PPM1E: variants seen among roughly 807,000 people sequenced by gnomAD.
PPM1E encodes protein phosphatase 1E.
PPM1E carries 20 observed loss-of-function variants against 65.9 expected under a neutral mutation model. The observed-to-expected ratio is 0.30, with a 90% confidence interval of 0.21 to 0.44. The LOEUF (loss-of-function observed/expected upper bound fraction) is 0.44, where lower values mean the gene tolerates loss of function less well. Among genes scored for constraint, PPM1E ranks in the 20% least tolerant of loss-of-function variants. The probability of loss-of-function intolerance (pLI) is 1.00; values close to 1 mark genes in which losing one functional copy is unlikely to be tolerated. For missense variants in PPM1E, 713 were observed against 953.1 expected (o/e 0.75, Z 3.32); for synonymous variants, 352 against 374.9 (o/e 0.94, Z 0.70).
chr17:58,788,739 C>A (rs1338334537), intron 1 of PPM1E, among the ~76,000 whole-genome samples: 2 of 152,202 alleles, frequency 1.3e-5, no homozygotes, highest in Non-Finnish European at 2.9e-5. Context: ...AAGACTAAGA[C>A]TTTAAGTCTG....
chr17:58,838,323 C>G (rs752970868), intron 1 of PPM1E, among the ~76,000 whole-genome samples: 2 of 152,122 alleles, frequency 1.3e-5, no homozygotes, highest in Admixed American at 6.5e-5. Flanking sequence ...AAAACACTTA[C>G]AATTCAACAA....
At chr17:58,923,898 A>G (rs2051788291) in intron 1 of PPM1E, among the ~76,000 whole-genome samples, 1 of 146,992 alleles carries the variant, frequency 6.8e-6, no homozygotes, top group Non-Finnish European at 1.5e-5. Context: ...TGGGCAACAG[A>G]GAAAGACCCC....
rs2031307608 is a variant in PPM1E, at chr17:58,980,741, C to G, written c.1978C>G (p.Pro660Ala). 1.2e-6 allele frequency: 2 copies of G among 1,614,102 alleles called. No homozygotes were observed. The highest frequency in any genetic ancestry group is 3.3e-5 in the Admixed American group (2 of 60,020). The change falls in exon 7 of 7, where the codon CCG becomes GCG. Residue 660 changes from proline to alanine, a missense_variant. Physicochemically the swap from Pro to Ala is conservative, Grantham distance 27 (BLOSUM62 -1). This residue lies in a region of PPM1E where 286 missense variants were observed against 313.8 expected (regional missense o/e 0.91). Transcript: ENST00000308249. This position sits in a 1 kb window ranked among gnomAD's most constrained non-coding sequence, Gnocchi z 4.7. ...GTTGGAAAATGAACAGTTCAAATCC[C>G]CGGGAAACAGAGTTTCTAGATTGTC... is the stretch of plus-strand genomic sequence containing the variant. ...SGLENEQFKS[P>A]GNRVSRLSHL... is the part of the protein sequence containing the mutation.
At position 58,980,864 on chromosome 17, in the gene PPM1E, G is replaced by A. The variant is rs2031316036; in HGVS notation, c.2101G>A (p.Gly701Ser). 6.2e-7 allele frequency: 1 copy of A among 1,613,978 alleles called. No homozygotes were observed. Among genetic ancestry groups the A allele is most frequent in the Admixed American group, 1.7e-5 (1 of 59,986 alleles). ...TGCTCAAGAGCCTTCCCACAAAATA[G>A]GCACTAGCCTGTCCTCACTTACTGG... is the stretch of plus-strand genomic sequence containing the variant. ...LSAQEPSHKIGTSLSSLTGSG... is the reference protein window; with the variant it reads ...LSAQEPSHKISTSLSSLTGSG... The change falls in exon 7 of 7, where the codon GGC becomes AGC. Residue 701 changes from glycine (G) to serine (S), a missense_variant. Transcript: ENST00000308249. The surrounding 1 kb of genome is among the most constrained non-coding windows in gnomAD (Gnocchi z 4.7).
At position 58,864,714 on chromosome 17, in the gene PPM1E, G is replaced by A. The variant is rs372099751; in HGVS notation, c.465-90935G>A. Reference sequence around the variant, plus strand: ...GCACTTTGAGAGGCAGAGGTGGGTGGATCAGGAGGTCAGGTGTTCAAGACC... The same window carrying A: ...GCACTTTGAGAGGCAGAGGTGGGTGAATCAGGAGGTCAGGTGTTCAAGACC... On this transcript the variant is annotated intron_variant, in intron 1 of 6. Coordinates refer to ENST00000308249, the MANE Select transcript of PPM1E (RefSeq NM_014906.5). Among the ~76,000 whole-genome samples the A allele has an allele frequency of 2.0e-5, 3 of 151,506 alleles. No individual in the cohort carries two copies. The East Asian group carries it at 5.9e-4, about 30-fold the overall frequency.
At chr17:58,890,319 A>G (rs1209733626) in intron 1 of PPM1E, among the ~76,000 whole-genome samples, 2 of 152,230 alleles carry the variant, frequency 1.3e-5, no homozygotes, top group Non-Finnish European at 2.9e-5. Context: ...TAGATAGCAT[A>G]TCAGCATTAT....
intron 1 of PPM1E, among the ~76,000 whole-genome samples, chr17:58,783,033 TG>T (rs1400428251): frequency 2.0e-5 from 3 of 152,220 alleles, no homozygotes; most frequent in Non-Finnish European, 2.9e-5. Flanking sequence ...CTACTCAATA[TG>T]ACTTTGTTTT....
At chr17:58,869,456 A>G (rs757756025) in intron 1 of PPM1E, among the ~76,000 whole-genome samples, 1 of 152,192 alleles carries the variant, frequency 6.6e-6, no homozygotes, top group East Asian at 1.9e-4. Context: ...ATTGGTTCCC[A>G]TGAGAGCTGA....
At chr17:58,917,008 G>C (rs1316047122) in intron 1 of PPM1E, among the ~76,000 whole-genome samples, 1 of 151,996 alleles carries the variant, frequency 6.6e-6, no homozygotes, top group Non-Finnish European at 1.5e-5. Context: ...CCAGGAGTGT[G>C]AGACCAGCCG....
chr17:58,775,920 CAAAAAAAAAAAAAAAAAAA>C (rs1158158641), intron 1 of PPM1E, among the ~76,000 whole-genome samples: 1 of 52,496 alleles, frequency 1.9e-5, no homozygotes, highest in Non-Finnish European at 2.9e-5. Flanking sequence ...GACTCCGTCT[CAAAAAAAAAAAAAAAAAAA>C]AAAAAAAAAA....
At chr17:58,958,690 C>T (rs751418591) in intron 2 of PPM1E, among the ~76,000 whole-genome samples, 9 of 151,432 alleles carry the variant, frequency 5.9e-5, no homozygotes, top group Non-Finnish European at 1.3e-4. Flanking sequence ...GGACAGTCCT[C>T]ACAAAAGGCC....
chr17:58,831,719 A>G (rs867573519), intron 1 of PPM1E, among the ~76,000 whole-genome samples: 5 of 152,154 alleles, frequency 3.3e-5, no homozygotes, highest in African/African-American at 1.2e-4. Flanking sequence ...CCCCTATTGG[A>G]CAGTTTGGAC....
Position 58,984,956 on chromosome 17 carries a change from C to T in PPM1E, c.*3925C>T, listed in dbSNP as rs897081184. ...GAGAGACAGGCTTTGTTCTCTTGTT[C>T]ATAACATTTCTCTGCAAAGAATTCT... On this transcript the variant is annotated 3_prime_UTR_variant, in exon 7 of 7. Transcript: ENST00000308249. 1.3e-5 allele frequency: 2 copies of T among 152,624 alleles called. No individual in the cohort carries two copies. Among genetic ancestry groups the T allele is most frequent in the Non-Finnish European group, 2.9e-5 (2 of 68,042 alleles). The allele number at this position is 152,624 out of a possible 1,614,324, so 9.5% of individuals were successfully genotyped here. A position where few individuals can be genotyped will look rare whatever the true frequency, so the allele number is the denominator to read the frequency against.
intron 1 of PPM1E, among the ~76,000 whole-genome samples, chr17:58,769,505 G>A (rs2049915570): frequency 6.6e-6 from 1 of 152,160 alleles, no homozygotes; most frequent in Non-Finnish European, 1.5e-5. Context: ...GCTGAGGTGG[G>A]AGGATGATCT....
intron 1 of PPM1E, among the ~76,000 whole-genome samples, chr17:58,793,980 A>C (rs1435539966): frequency 6.6e-6 from 1 of 151,988 alleles, no homozygotes; most frequent in Non-Finnish European, 1.5e-5. Context: ...AGTAGCTGGG[A>C]CTACAGGCAT....
intron 1 of PPM1E, among the ~76,000 whole-genome samples, chr17:58,895,887 C>T (rs2051407305): frequency 6.7e-6 from 1 of 149,602 alleles, no homozygotes; most frequent in East Asian, 2.0e-4. Context: ...GGGCATATCA[C>T]GAGGTCAGGA....
chr17:58,973,480 T>G (rs561462395), intron 6 of PPM1E, among the ~76,000 whole-genome samples: 2 of 150,364 alleles, frequency 1.3e-5, no homozygotes, highest in Non-Finnish European at 3.0e-5. Context: ...ACATTTAAAA[T>G]TTTATGGAAG....
chr17:58,866,361 TGC>T (rs1245169835), intron 1 of PPM1E, among the ~76,000 whole-genome samples: 2 of 152,152 alleles, frequency 1.3e-5, no homozygotes, highest in Non-Finnish European at 2.9e-5. Context: ...ACTAGGGAAA[TGC>T]CACAGGATTG....
rs2031287810 is a variant in PPM1E, at chr17:58,980,439, C to T, written c.1676C>T (p.Ser559Phe). 1.9e-6 allele frequency: 3 copies of T among 1,613,996 alleles called. No homozygotes were observed. The highest frequency in any genetic ancestry group is 2.2e-5 in the East Asian group (1 of 44,884). The change falls in exon 7 of 7, where the codon TCC (serine) becomes TTC (phenylalanine). Residue 559 changes from serine to phenylalanine, a missense_variant. Around this residue, in one of 6 missense-constraint regions of PPM1E, gnomAD observed 286 missense variants for 313.8 expected, o/e 0.91. Transcript: ENST00000308249. This position sits in a 1 kb window ranked among gnomAD's most constrained non-coding sequence, Gnocchi z 4.7. ...FTDRTSLSPG[S>F]QINVLEDPGY... ...GATAGAACTAGCCTGAGCCCAGGGTCCCAAATCAACGTGCTGGAAGACCCA... is the reference window on the plus strand; with the variant it reads ...GATAGAACTAGCCTGAGCCCAGGGTTCCAAATCAACGTGCTGGAAGACCCA...
Sources: allele counts gnomAD v4.1 joint callset (sites outside exome capture counted in the v4.1 genomes callset), GRCh38; gene constraint gnomAD v4.1.1; regional missense constraint gnomAD v4.1.1; non-coding constraint Gnocchi (gnomAD v3.1); transcripts MANE v1.5; gene names NCBI Gene and HGNC (gene_info 2026-07-23, HGNC 2026-07-21).